DOCK5: variants seen among roughly 807,000 people sequenced by gnomAD.
DOCK5 encodes dedicator of cytokinesis protein 5.
In DOCK5, 142 loss-of-function variants were observed where a neutral mutation model predicts 251.8. The observed-to-expected ratio is 0.56, with a 90% confidence interval of 0.49 to 0.65. DOCK5 has a LOEUF of 0.65. DOCK5 is among the 30% of genes least tolerant of loss of function. The probability of loss-of-function intolerance (pLI) is 0.00; values close to 1 mark genes in which losing one functional copy is unlikely to be tolerated. For synonymous variants in DOCK5, 842 were observed against 835.5 expected, an observed-to-expected ratio of 1.01 and a Z score of -0.13; for missense variants, 2,111 against 2,312.3, an observed-to-expected ratio of 0.91 and a Z score of 1.79.
Position 25,410,107 on chromosome 8 carries a change from T to C in DOCK5, c.5413T>C (p.Ser1805Pro). Residue 1805 changes from serine (S) to proline (P), a missense_variant, in exon 51 of 52, where the codon TCG becomes CCG. By Grantham distance (74) the Ser-to-Pro change is moderately conservative (BLOSUM62 -1). Coordinates refer to ENST00000276440, the MANE Select transcript of DOCK5 (RefSeq NM_024940.8). ...CTTTCTGTCATTTCTAGGCTCCCCA[T>C]CGTTGCAGACAGATGGAATCGCGGC... is the stretch of plus-strand genomic sequence containing the variant. ...PKATRTLSSP[S>P]LQTDGIAATP... 6.2e-7 allele frequency: 1 copy of C among 1,613,204 alleles called. No individual in the cohort carries two copies. The highest frequency in any genetic ancestry group is 8.5e-7 in the Non-Finnish European group (1 of 1,179,610).
In DOCK5 at chr8:25,341,432, C is replaced by T. The variant is rs187789504; in HGVS notation, c.2440-307C>T. Among the ~76,000 whole-genome samples, 11 of 152,072 alleles carry T rather than the reference C, an allele frequency of 7.2e-5. No individual in the cohort carries two copies. In the East Asian group the frequency reaches 2.1e-3, roughly 29 times the overall value. On this transcript the variant is annotated intron_variant, in intron 23 of 51. Coordinates refer to ENST00000276440, the MANE Select transcript of DOCK5 (RefSeq NM_024940.8). Reference sequence around the variant, plus strand: ...CTTTACTATTAATATTTATTTTTTGCTCTTTATGGCCATGTTGCAAGAGAG... The same window carrying T: ...CTTTACTATTAATATTTATTTTTTGTTCTTTATGGCCATGTTGCAAGAGAG...
rs749632655 is a variant in DOCK5, at chr8:25,410,160, C to T, written c.5466C>T (p.Pro1822=). 6 of 1,613,710 alleles carry T rather than the reference C, an allele frequency of 3.7e-6. No homozygotes were observed. The highest frequency in any genetic ancestry group is 2.2e-5 in the South Asian group (2 of 91,042). Residue 1822 remains proline (P), a synonymous_variant, in exon 51 of 52, where the codon CCC becomes CCT. Coordinates refer to ENST00000276440, the MANE Select transcript of DOCK5 (RefSeq NM_024940.8). ...AATPVPPPPP[P]KSKPYEGSQR... ...CTCCTGTCCCACCTCCACCTCCCCCCAAAAGCAAGCCCTATGAAGGCAGCC... is the reference window on the plus strand; with the variant it reads ...CTCCTGTCCCACCTCCACCTCCCCCTAAAAGCAAGCCCTATGAAGGCAGCC...
chr8:25,216,241 C>T (rs200286583), intron 1 of DOCK5, among the ~76,000 whole-genome samples: 7,344 of 56,420 alleles, frequency 0.13, 972 homozygotes, highest in African/African-American at 0.39. Context: ...ACAATATGTG[C>T]ATACAATATG....
At chr8:25,185,124 G>A (rs556510244) in intron 1 of DOCK5, among the ~76,000 whole-genome samples, 173 bp downstream of exon 1, 1 of 152,256 alleles carries the variant, frequency 6.6e-6, no homozygotes, top group East Asian at 1.9e-4. Context: ...GCGCCGATGG[G>A]GAAGTCGCCC....
chr8:25,334,131 C>G lies in DOCK5; in HGVS notation c.2127C>G (p.Phe709Leu). ...FIISLIGDIK[F>L]QHFNPVLETY... ...TTTCACTGATAGGAGACATCAAGTTCCAGCATTTTAATCCTGTACTTGAAA... is the reference window on the plus strand; with the variant it reads ...TTTCACTGATAGGAGACATCAAGTTGCAGCATTTTAATCCTGTACTTGAAA... Residue 709 changes from phenylalanine to leucine, a missense_variant, in exon 21 of 52, where the codon TTC becomes TTG. By Grantham distance (22) the Phe-to-Leu change is conservative. Around this residue, in one of 3 missense-constraint regions of DOCK5, gnomAD observed 1,717 missense variants for 1,892.4 expected, o/e 0.91. Coordinates refer to ENST00000276440, the MANE Select transcript of DOCK5 (RefSeq NM_024940.8). 6.2e-7 allele frequency: 1 copy of G among 1,613,862 alleles called. No individual in the cohort carries two copies. The highest frequency in any genetic ancestry group is 8.5e-7 in the Non-Finnish European group (1 of 1,179,812).
intron 1 of DOCK5, among the ~76,000 whole-genome samples, chr8:25,235,132 T>C (rs915541895): frequency 1.3e-5 from 2 of 152,074 alleles, no homozygotes; most frequent in Admixed American, 6.5e-5. Flanking sequence ...CACAAAACCA[T>C]AGGAAGAATG....
intron 1 of DOCK5, among the ~76,000 whole-genome samples, chr8:25,185,752 T>G (rs1801414411): frequency 6.6e-6 from 1 of 152,174 alleles, no homozygotes; most frequent in South Asian, 2.1e-4. Context: ...CCCCGGGTTG[T>G]GCGCAGGGGT....
intron 1 of DOCK5, among the ~76,000 whole-genome samples, chr8:25,221,965 C>T (rs1563313330): frequency 1.3e-5 from 2 of 152,324 alleles, no homozygotes; most frequent in South Asian, 4.1e-4. Flanking sequence ...CAAGACTCAC[C>T]TTCAGGGCCT....
intron 1 of DOCK5, among the ~76,000 whole-genome samples, chr8:25,225,625 G>A (rs1297465168): frequency 5.9e-5 from 9 of 151,524 alleles, no homozygotes; most frequent in Non-Finnish European, 1.0e-4. Context: ...AGAATGGCAT[G>A]AACCCGGGAT....
At chr8:25,208,365 G>A (rs1018957097) in intron 1 of DOCK5, among the ~76,000 whole-genome samples, 2 of 152,270 alleles carry the variant, frequency 1.3e-5, no homozygotes, top group East Asian at 3.9e-4. Context: ...ACTATGAAAT[G>A]CTATCAAATA....
intron 27 of DOCK5, among the ~76,000 whole-genome samples, chr8:25,352,539 A>G (rs1221783141): frequency 6.6e-6 from 1 of 152,210 alleles, no homozygotes; most frequent in East Asian, 1.9e-4. Flanking sequence ...AAAGTGAAGC[A>G]TCTTTTACTT....
chr8:25,403,419 CA>C, intron 47 of DOCK5, 138 bp from the exon 48 acceptor site: 1 of 844,360 alleles, frequency 1.2e-6, no homozygotes, highest in Non-Finnish European at 1.9e-6. Flanking sequence ...GCACAGGCAC[CA>C]ACCAATCAGA....
intron 48 of DOCK5, among the ~76,000 whole-genome samples, chr8:25,404,005 A>T (rs1335640763): frequency 6.6e-6 from 1 of 152,114 alleles, no homozygotes; most frequent in Non-Finnish European, 1.5e-5. Flanking sequence ...CATCTATTTT[A>T]TGAATAGGTT....
intron 5 of DOCK5, among the ~76,000 whole-genome samples, chr8:25,287,533 C>G (rs979945060): frequency 5.9e-5 from 9 of 152,080 alleles, no homozygotes; most frequent in African/African-American, 2.2e-4. Flanking sequence ...GCAGGAATAT[C>G]TTTGCTATCT....
chr8:25,356,666 CAAAG>C (rs951735376), intron 27 of DOCK5, among the ~76,000 whole-genome samples: 13 of 151,530 alleles, frequency 8.6e-5, no homozygotes, highest in Non-Finnish European at 1.8e-4. Context: ...GACCCTGTCT[CAAAG>C]AAAGAAAAAG....
chr8:25,218,191 T>C (rs1028223180), intron 1 of DOCK5, among the ~76,000 whole-genome samples: 6 of 152,200 alleles, frequency 3.9e-5, no homozygotes, highest in Non-Finnish European at 5.9e-5. Flanking sequence ...TCTTTTCTTC[T>C]ATGAAAGTTA....
rs777428575 is a variant in DOCK5, at chr8:25,389,173, C to T, written c.4214C>T (p.Ala1405Val). ...AGGTTGTTAACCCAGTTCCCCAATG[C>T]GGAGAAGATGACCAGTACCACGCCT... ...SLRLLTQFPN[A>V]EKMTSTTPPG... is the part of the protein sequence containing the mutation. Residue 1405 changes from alanine to valine, a missense_variant, in exon 41 of 52, where the codon GCG becomes GTG. Ala to Val is a moderately conservative substitution (Grantham distance 64, BLOSUM62 0). Around this residue, in one of 3 missense-constraint regions of DOCK5, gnomAD observed 1,717 missense variants for 1,892.4 expected, o/e 0.91. Coordinates refer to ENST00000276440, the MANE Select transcript of DOCK5 (RefSeq NM_024940.8). 48 of 1,613,848 alleles carry T rather than the reference C, an allele frequency of 3.0e-5. 1 individual carries two copies. Among genetic ancestry groups the T allele is most frequent in the East Asian group, 2.7e-4 (12 of 44,890 alleles).
chr8:25,302,883 A>G (rs1018412977), intron 10 of DOCK5, among the ~76,000 whole-genome samples: 1 of 152,202 alleles, frequency 6.6e-6, no homozygotes, highest in African/African-American at 2.4e-5. Flanking sequence ...GAGACAGTAT[A>G]GAGTGGTGAG....
intron 48 of DOCK5, 56 bp downstream of exon 48, chr8:25,403,780 T>G: frequency 1.3e-6 from 2 of 1,579,152 alleles, no homozygotes; most frequent in Non-Finnish European, 1.7e-6. Flanking sequence ...TACTAATGTT[T>G]GCCTTTAGCC....
Sources: allele counts gnomAD v4.1 joint callset (sites outside exome capture counted in the v4.1 genomes callset), GRCh38; gene constraint gnomAD v4.1.1; regional missense constraint gnomAD v4.1.1; transcripts MANE v1.5; gene names NCBI Gene and HGNC (gene_info 2026-07-23, HGNC 2026-07-21).